MAX: variants seen among roughly 807,000 people sequenced by gnomAD.
MAX encodes protein max.
MAX carries 3 observed loss-of-function variants against 22.3 expected under a neutral mutation model. The ratio of observed to expected loss-of-function variants is 0.13; its 90% CI spans 0.06 to 0.35. MAX has a LOEUF of 0.35. Ranked by LOEUF, MAX falls within the 10% of genes least tolerant of loss-of-function variation. The pLI is 1.00. For missense variants in MAX, 119 were observed against 209.4 expected, an observed-to-expected ratio of 0.57 and a Z score of 2.66; for synonymous variants, 72 against 77.7, an observed-to-expected ratio of 0.93 and a Z score of 0.39.
At chr14:65,037,428 T>C (rs2062224479) in intron 3 of MAX, among the ~76,000 whole-genome samples, 4 of 116,122 alleles carry the variant, frequency 3.4e-5, no homozygotes, top group Non-Finnish European at 7.0e-5. Context: ...TTTTTTTTTT[T>C]TTTTTTTTTT....
chr14:65,067,560 T>C (rs1463429443), intron 3 of MAX, among the ~76,000 whole-genome samples: 2 of 152,124 alleles, frequency 1.3e-5, no homozygotes, highest in Non-Finnish European at 2.9e-5. Flanking sequence ...TATGGCCAGG[T>C]ATTTTGTAGA....
intron 3 of MAX, among the ~76,000 whole-genome samples, chr14:65,055,507 T>A: frequency 6.6e-6 from 1 of 152,270 alleles, no homozygotes; most frequent in South Asian, 2.1e-4. Flanking sequence ...TAAAAAAATT[T>A]TTTTTTTAAT....
chr14:65,057,943 T>G (rs1168937111), intron 3 of MAX, among the ~76,000 whole-genome samples: 1 of 152,200 alleles, frequency 6.6e-6, no homozygotes, highest in Non-Finnish European at 1.5e-5. Context: ...TAAGCAAGTC[T>G]GAAAACAGGT....
In MAX at chr14:65,099,536, AAAC is replaced by A. The variant is rs571462992; in HGVS notation, c.63+2007_63+2009del. Among the ~76,000 whole-genome samples, 106 of 143,754 alleles carry A rather than the reference AAAC, an allele frequency of 7.4e-4. 1 individual carries two copies. Among genetic ancestry groups the A allele is most frequent in the African/African-American group, 2.8e-3 (96 of 34,796 alleles). The allele number at this position is 143,754 out of a possible 152,430, so 94.3% of individuals were successfully genotyped here. Reference sequence around the variant, plus strand: ...ACTGCGAGCCAAAATTTCACCAAAAAAACAAACAAACAAACAAACAAACAAAAA... The same window carrying A: ...ACTGCGAGCCAAAATTTCACCAAAAAAAACAAACAAACAAACAAACAAAAA... On this transcript the variant is annotated intron_variant, in intron 2 of 4. Coordinates refer to ENST00000358664, the MANE Select transcript of MAX (RefSeq NM_002382.5).
rs1041718773 is a variant in MAX at position 65,084,804 on chromosome 14, AC to A, written c.172-6769del. ...CTGTGGGGAGCATGTAGATGAAGAGACCAGGAAGGAATACACAAATTGATAA... is the reference window on the plus strand; with the variant it reads ...CTGTGGGGAGCATGTAGATGAAGAGACAGGAAGGAATACACAAATTGATAA... On this transcript the variant is annotated intron_variant, in intron 3 of 4. Transcript: ENST00000358664. The surrounding 1 kb of genome is among the most constrained non-coding windows in gnomAD (Gnocchi z 4.3). 3.9e-5 allele frequency among the ~76,000 whole-genome samples: 6 copies of A among 152,212 alleles called. No homozygotes were observed. The highest frequency in any genetic ancestry group is 5.9e-5 in the Non-Finnish European group (4 of 68,042).
At chr14:65,101,730 C>G (rs1273295786) in intron 1 of MAX, 158 bp from the exon 2 acceptor site, 1 of 627,286 alleles carries the variant, frequency 1.6e-6, no homozygotes, top group African/African-American at 1.9e-5. Flanking sequence ...CCCCACCCTT[C>G]CACCCTCGGC....
rs554168959 is a variant in MAX, at chr14:65,101,836, C to A, written c.37-264G>T. ...GGTCCCGAGCACTGTCTCCTCCCTG[C>A]AGACCCAGCTCGGGCATCTAGGCAC... On this transcript the variant is annotated intron_variant, in intron 1 of 4. Coordinates refer to ENST00000358664, the MANE Select transcript of MAX (RefSeq NM_002382.5). Among the ~76,000 whole-genome samples, 11 of 152,230 alleles carry A rather than the reference C, an allele frequency of 7.2e-5. No homozygotes were observed. The South Asian group carries it at 2.3e-3, about 32-fold the overall frequency.
In MAX at chr14:65,044,486, T is replaced by G; in HGVS notation, c.172-38202A>C. Reference sequence around the variant, plus strand: ...TTCACTTGGGGCTGGATGATTTCCCTCCACTACTCACAAAGTCTGGAAGCC... The same window carrying G: ...TTCACTTGGGGCTGGATGATTTCCCGCCACTACTCACAAAGTCTGGAAGCC... On this transcript the variant is annotated intron_variant, in intron 3 of 3. Coordinates refer to the MAX transcript ENST00000341653. The surrounding 1 kb of genome is among the most constrained non-coding windows in gnomAD (Gnocchi z 5.5). 1.9e-6 allele frequency: 3 copies of G among 1,573,016 alleles called. No individual in the cohort carries two copies. The highest frequency in any genetic ancestry group is 2.4e-5 in the South Asian group (2 of 84,476).
chr14:65,061,874 A>C (rs915515631), intron 3 of MAX: 1 of 155,158 alleles, frequency 6.4e-6, no homozygotes, highest in Non-Finnish European at 1.4e-5. Flanking sequence ...GGGGAGAGAA[A>C]GATCTCCTTC....
At chr14:65,091,487 C>G (rs2063507729) in intron 3 of MAX, among the ~76,000 whole-genome samples, 1 of 152,214 alleles carries the variant, frequency 6.6e-6, no homozygotes, top group South Asian at 2.1e-4. Context: ...GACCACTCCT[C>G]TCTCCTAGTC....
At chr14:65,021,068 T>C (rs2061877869) in intron 3 of MAX, among the ~76,000 whole-genome samples, 1 of 152,194 alleles carries the variant, frequency 6.6e-6, no homozygotes, top group African/African-American at 2.4e-5. Context: ...CACACATTTA[T>C]ATGTGTTTAT....
At chr14:65,085,998 G>T (rs1566610902) in intron 3 of MAX, among the ~76,000 whole-genome samples, 1 of 152,158 alleles carries the variant, frequency 6.6e-6, no homozygotes, top group Non-Finnish European at 1.5e-5. Context: ...TGAATCATGG[G>T]GGTTGGTCTT....
chr14:65,021,604 C>T (rs1205192726), intron 3 of MAX, among the ~76,000 whole-genome samples: 2 of 152,124 alleles, frequency 1.3e-5, no homozygotes, highest in African/African-American at 4.8e-5. Context: ...CAAAGAATTA[C>T]TGAGCCCCAG....
intron 3 of MAX, among the ~76,000 whole-genome samples, chr14:65,057,273 A>C (rs1238996133): frequency 6.6e-6 from 1 of 152,072 alleles, no homozygotes; most frequent in African/African-American, 2.4e-5. Flanking sequence ...TGTTAAATAG[A>C]AGATTTTAGG....
chr14:65,025,675 C>T (rs1323285280), intron 3 of MAX, among the ~76,000 whole-genome samples: 1 of 152,016 alleles, frequency 6.6e-6, no homozygotes, highest in Non-Finnish European at 1.5e-5. Context: ...ACTAGCCAGG[C>T]GTGGTGGCTC....
chr14:65,068,571 T>C (rs1447500642), intron 3 of MAX, among the ~76,000 whole-genome samples: 4 of 152,358 alleles, frequency 2.6e-5, no homozygotes, highest in East Asian at 3.8e-4. Flanking sequence ...GACTCGTTTA[T>C]TTTATACTTC....
rs1317583276 is a variant in MAX at position 65,088,877 on chromosome 14, C to G, written c.171+4831G>C. ...CATAAAAGTATAAATGCTATGAGAG[C>G]CTTTATCCTTAAGAATCATGTTCCC... On this transcript the variant is annotated intron_variant, in intron 3 of 4. Transcript: ENST00000358664. The surrounding 1 kb of genome is among the most constrained non-coding windows in gnomAD (Gnocchi z 5.2). 2.6e-5 allele frequency among the ~76,000 whole-genome samples: 4 copies of G among 151,982 alleles called. No homozygotes were observed. The highest frequency in any genetic ancestry group is 4.4e-5 in the Non-Finnish European group (3 of 67,984).
chr14:65,016,668 C>G (rs2061779107), intron 3 of MAX: 1 of 152,282 alleles, frequency 6.6e-6, no homozygotes, highest in Non-Finnish European at 1.5e-5. Context: ...CTCATTCATT[C>G]TGTCTTAACA....
intron 2 of MAX, among the ~76,000 whole-genome samples, chr14:65,099,639 G>A (rs561700318): frequency 6.6e-6 from 1 of 151,842 alleles, no homozygotes; most frequent in Non-Finnish European, 1.5e-5. Context: ...AAGGCTAAAC[G>A]ATCCTTACCC....
Sources: gnomAD v4.1 joint callset for allele counts (sites outside exome capture counted in the v4.1 genomes callset) on GRCh38, gnomAD v4.1.1 for gene constraint, Gnocchi (gnomAD v3.1) non-coding constraint, MANE v1.5 for transcripts, NCBI Gene and HGNC (gene_info 2026-07-23, HGNC 2026-07-21) for gene names.